Variants in PDE3B observed in about 807,000 individuals in gnomAD.
The protein encoded by PDE3B is phosphodiesterase 3B.
A neutral mutation model predicts 116.8 loss-of-function variants in PDE3B; 66 were observed. The ratio of observed to expected loss-of-function variants is 0.56; its 90% CI spans 0.46 to 0.69. PDE3B has a LOEUF of 0.69. PDE3B is among the 30% of genes least tolerant of loss of function. The probability of loss-of-function intolerance (pLI) is 0.00; values close to 1 mark genes in which losing one functional copy is unlikely to be tolerated. For missense variants in PDE3B, 1,384 were observed against 1,368.1 expected (o/e 1.01, Z -0.18); for synonymous variants, 595 against 533.6 (o/e 1.12, Z -1.59).
chr11:14,845,181 G>GA (rs1565161844), intron 12 of PDE3B, among the ~76,000 whole-genome samples: 2 of 151,970 alleles, frequency 1.3e-5, no homozygotes, highest in Non-Finnish European at 2.9e-5. Context: ...CACGGTTCAC[G>GA]AAAATCTGCT....
Position 14,643,993 on chromosome 11 carries a change from G to A in PDE3B, c.-83G>A, listed in dbSNP as rs1220566474. 1.5e-6 allele frequency: 2 copies of A among 1,374,332 alleles called. No homozygotes were observed. The highest frequency in any genetic ancestry group is 9.3e-7 in the Non-Finnish European group (1 of 1,071,638). 85.1% of individuals were successfully genotyped at this position (1,374,332 alleles called of 1,614,324 possible). On this transcript the variant is annotated 5_prime_UTR_variant, in exon 1 of 16. Transcript: ENST00000282096. ...GCGAACCAGGGGGCGCCCCGAACGC[G>A]GGGGTTGGGGTCTGGGAGCGCGAGC...
the PDE3B span, among the ~76,000 whole-genome samples, chr11:14,895,914 G>A: frequency 6.6e-6 from 1 of 151,886 alleles, no homozygotes; most frequent in African/African-American, 2.4e-5. Context: ...TTTATTGGAG[G>A]TGGTGGCATG....
At chr11:14,808,627 A>G (rs868814279) in intron 5 of PDE3B, among the ~76,000 whole-genome samples, 1 of 152,006 alleles carries the variant, frequency 6.6e-6, no homozygotes, top group African/African-American at 2.4e-5. Context: ...ATGAGCTTGT[A>G]TATGTAAAAT....
At chr11:14,655,495 T>A (rs1289790013) in intron 1 of PDE3B, among the ~76,000 whole-genome samples, 1 of 152,206 alleles carries the variant, frequency 6.6e-6, no homozygotes. Context: ...GCCCCCTTTT[T>A]TGAGCATCTC....
intron 1 of PDE3B, among the ~76,000 whole-genome samples, chr11:14,748,798 G>A (rs955843239): frequency 2.6e-5 from 4 of 151,532 alleles, no homozygotes; most frequent in Admixed American, 1.3e-4. Flanking sequence ...GGTCTTTCTC[G>A]TCATTGTTGA....
At chr11:14,737,059 AAAT>A (rs1386529849) in intron 1 of PDE3B, among the ~76,000 whole-genome samples, 1 of 152,224 alleles carries the variant, frequency 6.6e-6, no homozygotes, top group African/African-American at 2.4e-5. Context: ...ATGAAAATAA[AAAT>A]AATATCTATT....
intron 1 of PDE3B, among the ~76,000 whole-genome samples, chr11:14,662,799 G>A (rs1318221955): frequency 2.0e-5 from 3 of 152,172 alleles, no homozygotes; most frequent in Non-Finnish European, 2.9e-5. Context: ...CAAGAAATAT[G>A]GGACTATGTG....
Position 14,818,243 on chromosome 11 carries a change from C to G in PDE3B, c.1583C>G (p.Ser528Cys). 1.2e-6 allele frequency: 2 copies of G among 1,613,674 alleles called. No homozygotes were observed. The highest frequency in any genetic ancestry group is 1.1e-5 in the South Asian group (1 of 91,080). ...SSNHGPVSTG[S>C]LTNRSPIEFP... ...AACCATGGACCAGTGTCTACTGGCTCTCTAACTAATCGATCACCCATAGAA... is the reference window on the plus strand; with the variant it reads ...AACCATGGACCAGTGTCTACTGGCTGTCTAACTAATCGATCACCCATAGAA... The change falls in exon 6 of 16, where the codon TCT becomes TGT. Residue 528 changes from serine (S) to cysteine (C), a missense_variant. This residue lies in a region of PDE3B where 956 missense variants were observed against 806.8 expected (regional missense o/e 1.18). Coordinates refer to ENST00000282096, the MANE Select transcript of PDE3B (RefSeq NM_000922.4).
rs2133998763 is a variant in PDE3B at position 14,869,712 on chromosome 11, C to T, written c.*52C>T. Reference sequence around the variant, plus strand: ...TATTGAAGAAGCCCAGAGGGTTGTGCCCAGGGGCAGAAATCATTGCCTAGT... The same window carrying T: ...TATTGAAGAAGCCCAGAGGGTTGTGTCCAGGGGCAGAAATCATTGCCTAGT... On this transcript the variant is annotated 3_prime_UTR_variant, in exon 16 of 16. Transcript: ENST00000282096. 6.7e-7 allele frequency: 1 copy of T among 1,482,232 alleles called. No homozygotes were observed. Among genetic ancestry groups the T allele is most frequent in the Non-Finnish European group, 9.3e-7 (1 of 1,072,526 alleles). The allele number at this position is 1,482,232 out of a possible 1,614,324, so 91.8% of individuals were successfully genotyped here.
At chr11:14,714,407 G>T (rs1408939780) in intron 1 of PDE3B, among the ~76,000 whole-genome samples, 2 of 151,972 alleles carry the variant, frequency 1.3e-5, no homozygotes, top group South Asian at 2.1e-4. Context: ...TGGGCGTGGT[G>T]GCAGTGCCTG....
intron 1 of PDE3B, among the ~76,000 whole-genome samples, chr11:14,675,044 T>A (rs1043473411): frequency 6.6e-6 from 1 of 152,152 alleles, no homozygotes; most frequent in Non-Finnish European, 1.5e-5. Context: ...TTAAGGCAGT[T>A]TGGGATAAGG....
intron 2 of PDE3B, among the ~76,000 whole-genome samples, chr11:14,782,460 T>A (rs1858039991): frequency 2.0e-5 from 3 of 152,070 alleles, no homozygotes; most frequent in Admixed American, 2.0e-4. Flanking sequence ...GTACCACACA[T>A]CCACAACCAT....
intron 1 of PDE3B, among the ~76,000 whole-genome samples, chr11:14,708,649 G>C (rs750380066): frequency 1.3e-5 from 2 of 151,922 alleles, no homozygotes; most frequent in African/African-American, 4.8e-5. Context: ...GATTTTTCTG[G>C]AGTCGATAAC....
chr11:14,781,290 G>A (rs1028296110), intron 2 of PDE3B, among the ~76,000 whole-genome samples: 4 of 152,106 alleles, frequency 2.6e-5, no homozygotes, highest in East Asian at 1.9e-4. Context: ...AGAAAAAGAG[G>A]GAATCCTCCC....
chr11:14,685,009 G>A (rs763104237), intron 1 of PDE3B, among the ~76,000 whole-genome samples: 6 of 151,980 alleles, frequency 3.9e-5, no homozygotes, highest in Non-Finnish European at 7.4e-5. Flanking sequence ...CTGAGGTGAC[G>A]TACATCCTCA....
chr11:14,832,809 GA>G lies in PDE3B; in HGVS notation c.2186del (p.Asn729MetfsTer24). The G allele has an allele frequency of 2.7e-6, 4 of 1,489,642 alleles. No homozygotes were observed. The highest frequency in any genetic ancestry group is 3.7e-6 in the Non-Finnish European group (4 of 1,080,190). 92.3% of individuals were successfully genotyped at this position (1,489,642 alleles called of 1,614,324 possible). A position where few individuals can be genotyped will look rare whatever the true frequency, so the allele number is the denominator to read the frequency against. On this transcript the variant is annotated frameshift_variant, in exon 10 of 16. Coordinates refer to ENST00000282096, the MANE Select transcript of PDE3B (RefSeq NM_000922.4). LOFTEE classifies it high-confidence loss of function. ...ATTTATGAACTATTTTCGTGCATTAGAAAATGGCTATCGAGACATTCCTTGT... is the reference window on the plus strand; with the variant it reads ...ATTTATGAACTATTTTCGTGCATTAGAAATGGCTATCGAGACATTCCTTGT... ...QQFMNYFRAL[E>X]NGYRDIPYHN... is the part of the protein sequence containing the mutation.
chr11:14,663,180 A>G (rs1396533626), intron 1 of PDE3B, among the ~76,000 whole-genome samples: 1 of 152,180 alleles, frequency 6.6e-6, no homozygotes, highest in Non-Finnish European at 1.5e-5. Context: ...AAGAATTTTC[A>G]ACCCAGAATT....
intron 2 of PDE3B, among the ~76,000 whole-genome samples, chr11:14,778,444 C>T (rs1205980077): frequency 6.6e-6 from 1 of 152,052 alleles, no homozygotes; most frequent in Non-Finnish European, 1.5e-5. Context: ...CCTCATACGG[C>T]CGGGCGCCCC....
Position 14,644,681 on chromosome 11 carries a change from C to T in PDE3B, c.606C>T (p.Ser202=). 1 of 1,502,044 alleles carries T rather than the reference C, an allele frequency of 6.7e-7. No homozygotes were observed. The highest frequency in any genetic ancestry group is 8.9e-7 in the Non-Finnish European group (1 of 1,128,656). 93.0% of individuals were successfully genotyped at this position (1,502,044 alleles called of 1,614,324 possible). A position where few individuals can be genotyped will look rare whatever the true frequency, so the allele number is the denominator to read the frequency against. The part of the protein sequence containing the change: ...AAAGRLLLVL[S]CVGLLLTLAH... ...CGGGCAGGTTGCTGCTGGTGCTGAG[C>T]TGCGTAGGGCTGCTGCTGACGCTCG... The change falls in exon 1 of 16, where the codon AGC becomes AGT. Residue 202 remains serine (S), a synonymous_variant. Coordinates refer to ENST00000282096, the MANE Select transcript of PDE3B (RefSeq NM_000922.4).
Sources: allele counts gnomAD v4.1 joint callset (sites outside exome capture counted in the v4.1 genomes callset), GRCh38; gene constraint gnomAD v4.1.1; regional missense constraint gnomAD v4.1.1; transcripts MANE v1.5; gene names NCBI Gene and HGNC (gene_info 2026-07-23, HGNC 2026-07-21).